DPYD: variants seen among roughly 807,000 people sequenced by gnomAD.
DPYD encodes the protein dihydropyrimidine dehydrogenase.
A neutral mutation model predicts 116.2 loss-of-function variants in DPYD; 109 were observed. That is an observed-to-expected ratio of 0.94 (90% CI 0.80 to 1.10). The LOEUF (loss-of-function observed/expected upper bound fraction) is 1.10, where lower values mean the gene tolerates loss of function less well. DPYD is among the 50% of genes least tolerant of loss of function. The pLI is 0.00. For synonymous variants in DPYD, 440 were observed against 432.0 expected (o/e 1.02, Z -0.23); for missense variants, 1,302 against 1,254.5 (o/e 1.04, Z -0.57).
intron 13 of DPYD, among the ~76,000 whole-genome samples, chr1:97,461,635 TAA>T (rs928555944): frequency 5.3e-5 from 8 of 152,214 alleles, no homozygotes; most frequent in African/African-American, 1.9e-4. Flanking sequence ...ACCCTAAATA[TAA>T]GATAAGCAGC....
At chr1:97,737,790 C>T (rs1347322453) in intron 4 of DPYD, among the ~76,000 whole-genome samples, 3 of 152,032 alleles carry the variant, frequency 2.0e-5, no homozygotes, top group Non-Finnish European at 4.4e-5. Context: ...CACATACATG[C>T]ATACACACAA....
intron 3 of DPYD, among the ~76,000 whole-genome samples, chr1:97,802,607 T>G (rs894212320): frequency 6.6e-6 from 1 of 151,912 alleles, no homozygotes; most frequent in African/African-American, 2.4e-5. Flanking sequence ...CAACTATATC[T>G]TTTCAAGATT....
chr1:97,690,855 CG>C (rs1412407713), intron 7 of DPYD, among the ~76,000 whole-genome samples: 10 of 151,954 alleles, frequency 6.6e-5, no homozygotes, highest in Non-Finnish European at 1.5e-4. Context: ...TCAATTAAAA[CG>C]TAATTATAAA....
chr1:97,518,692 T>G (rs1038380638), intron 12 of DPYD, among the ~76,000 whole-genome samples: 4 of 152,100 alleles, frequency 2.6e-5, no homozygotes, highest in Admixed American at 2.6e-4. Flanking sequence ...ATACTATTTT[T>G]CCATTCATCC....
intron 13 of DPYD, among the ~76,000 whole-genome samples, chr1:97,475,374 T>C (rs1278003560): frequency 6.6e-6 from 1 of 152,096 alleles, no homozygotes; most frequent in Non-Finnish European, 1.5e-5. Context: ...CTTTAAATGT[T>C]GGAAAACTTT....
intron 19 of DPYD, among the ~76,000 whole-genome samples, chr1:97,216,805 A>G (rs1660433480): frequency 6.6e-6 from 1 of 151,550 alleles, no homozygotes; most frequent in African/African-American, 2.4e-5. Flanking sequence ...AACAACAACA[A>G]CAAAAAAGTG....
Position 97,082,313 on chromosome 1 carries a change from T to G in DPYD, c.2907+17A>C, listed in dbSNP as rs1433772917. The G allele has an allele frequency of 3.1e-6, 5 of 1,613,238 alleles. No individual in the cohort carries two copies. In the Admixed American group the frequency reaches 8.3e-5, roughly 27 times the overall value. ...GAAACATGTCTCATAGCATTCTAAT[T>G]CCAGCAGGATTCTTACCTGGTAGCC... is the stretch of plus-strand genomic sequence containing the variant. On this transcript the variant is annotated intron_variant, in intron 22 of 22. Transcript: ENST00000370192.
chr1:97,686,181 T>C (rs773053418), intron 7 of DPYD, among the ~76,000 whole-genome samples: 7 of 151,944 alleles, frequency 4.6e-5, no homozygotes, highest in Non-Finnish European at 7.4e-5. Flanking sequence ...GACCACACAA[T>C]ACAACCATCT....
intron 12 of DPYD, chr1:97,546,787 T>C (rs983524907): frequency 2.5e-6 from 4 of 1,613,078 alleles, no homozygotes; most frequent in Non-Finnish European, 3.4e-6. Flanking sequence ...ATCAGACTCC[T>C]ATATGGGTTT....
At chr1:97,599,580 T>C (rs903567112) in intron 8 of DPYD, among the ~76,000 whole-genome samples, 13 of 152,088 alleles carry the variant, frequency 8.5e-5, no homozygotes, top group Non-Finnish European at 1.6e-4. Context: ...CTTCCTGTCC[T>C]TGAAAGGATT....
rs116437855 is a variant in DPYD at position 97,214,672 on chromosome 1, A to G, written c.2442+20180T>C. ...AATGCATGACAGAAGGCAGAAGGGAATAGAAGATACATTTCCTCTCCATTT... is the reference window on the plus strand; with the variant it reads ...AATGCATGACAGAAGGCAGAAGGGAGTAGAAGATACATTTCCTCTCCATTT... On this transcript the variant is annotated intron_variant, in intron 19 of 22. Coordinates refer to ENST00000370192, the MANE Select transcript of DPYD (RefSeq NM_000110.4). Among the ~76,000 whole-genome samples the G allele has an allele frequency of 4.2e-3, 643 of 152,338 alleles. 5 individuals carry two copies. The highest frequency in any genetic ancestry group is 0.015 in the African/African-American group (620 of 41,578).
intron 10 of DPYD, among the ~76,000 whole-genome samples, chr1:97,588,272 A>T (rs1654280463): frequency 6.6e-6 from 1 of 152,220 alleles, no homozygotes. Context: ...CCCCATAAAA[A>T]TGCAGCAGAA....
At chr1:97,889,033 T>A (rs1205074612) in intron 1 of DPYD, among the ~76,000 whole-genome samples, 1 of 152,064 alleles carries the variant, frequency 6.6e-6, no homozygotes, top group Non-Finnish European at 1.5e-5. Context: ...CGTGGGTGCC[T>A]GTAATCCCAG....
intron 18 of DPYD, among the ~76,000 whole-genome samples, chr1:97,270,993 C>A (rs1228494555): frequency 6.6e-6 from 1 of 152,172 alleles, no homozygotes; most frequent in Non-Finnish European, 1.5e-5. Context: ...AATGCAGTAA[C>A]CACACAAAAT....
At chr1:97,490,237 ACCGC>A (rs1678891742) in intron 13 of DPYD, among the ~76,000 whole-genome samples, 1 of 151,472 alleles carries the variant, frequency 6.6e-6, no homozygotes, top group Non-Finnish European at 1.5e-5. Flanking sequence ...CATCTGCTAT[ACCGC>A]TTACTAACAG....
intron 3 of DPYD, among the ~76,000 whole-genome samples, chr1:97,814,954 A>G (rs12023030): frequency 5.4e-4 from 27 of 50,286 alleles, no homozygotes; most frequent in Non-Finnish European, 7.9e-4. Context: ...AGAAAGAAAG[A>G]AAGGAGAGAA....
intron 2 of DPYD, among the ~76,000 whole-genome samples, chr1:97,874,967 A>C (rs1248630925): frequency 6.6e-6 from 1 of 151,956 alleles, no homozygotes; most frequent in Non-Finnish European, 1.5e-5. Context: ...AGAGATGTGA[A>C]ACTGTGATAA....
chr1:97,675,920 T>C (rs1021729559), intron 8 of DPYD, among the ~76,000 whole-genome samples: 6 of 152,026 alleles, frequency 3.9e-5, no homozygotes, highest in Non-Finnish European at 7.4e-5. Flanking sequence ...AGCTAATTTT[T>C]GTATTTTTAG....
chr1:97,331,550 A>G (rs918251083), intron 16 of DPYD, among the ~76,000 whole-genome samples: 1 of 152,160 alleles, frequency 6.6e-6, no homozygotes, highest in African/African-American at 2.4e-5. Flanking sequence ...AATAGTTGAA[A>G]CTGCAAATGT....
Sources: allele counts gnomAD v4.1 joint callset (sites outside exome capture counted in the v4.1 genomes callset), GRCh38; gene constraint gnomAD v4.1.1; transcripts MANE v1.5; gene names NCBI Gene and HGNC (gene_info 2026-07-23, HGNC 2026-07-21).